The following KLF12 variants were observed in gnomAD, a reference collection of about 807,000 sequenced individuals.
The protein encoded by KLF12 is Krueppel-like factor 12.
In KLF12, 9 loss-of-function variants were observed where a neutral mutation model predicts 37.8. The observed-to-expected ratio is 0.24, with a 90% CI of 0.14 to 0.42. The LOEUF is 0.42. KLF12 is among the 10% of genes least tolerant of loss of function. KLF12 has a pLI of 1.00. For missense variants in KLF12, 411 were observed against 516.0 expected (o/e 0.80, Z 1.97); for synonymous variants, 208 against 202.1 (o/e 1.03, Z -0.25).
At chr13:73,755,054 A>G (rs891695932) in intron 6 of KLF12, among the ~76,000 whole-genome samples, 1 of 152,344 alleles carries the variant, frequency 6.6e-6, no homozygotes, top group South Asian at 2.1e-4. Context: ...TCACTGTAAG[A>G]AATCAGTCCA....
intron 3 of KLF12, 77 bp from the exon 4 acceptor site, chr13:73,846,450 CG>C: frequency 7.8e-7 from 1 of 1,286,634 alleles, no homozygotes; most frequent in South Asian, 1.4e-5. Context: ...ACCACTTGAA[CG>C]TTTATTACTT....
chr13:74,166,256 T>A, the KLF12 span, among the ~76,000 whole-genome samples: 7 of 151,988 alleles, frequency 4.6e-5, no homozygotes, highest in African/African-American at 1.7e-4. Flanking sequence ...AATGCTCAGC[T>A]AATTTTTGCA....
chr13:73,890,597 A>G (rs1236615006), intron 3 of KLF12, among the ~76,000 whole-genome samples: 1 of 152,120 alleles, frequency 6.6e-6, no homozygotes, highest in Non-Finnish European at 1.5e-5. Flanking sequence ...GTTAAAGTTT[A>G]TGCAAGGCCA....
chr13:74,108,655 A>G (rs1876796820), intron 1 of KLF12, among the ~76,000 whole-genome samples: 1 of 152,190 alleles, frequency 6.6e-6, no homozygotes, highest in Non-Finnish European at 1.5e-5. Context: ...CACCACTGCT[A>G]TATGTATGTT....
At chr13:73,725,845 T>G (rs1594012390) in intron 6 of KLF12, among the ~76,000 whole-genome samples, 1 of 137,042 alleles carries the variant, frequency 7.3e-6, no homozygotes, top group Non-Finnish European at 1.5e-5. Context: ...ATTTATTTAT[T>G]TATTTATTTA....
intron 5 of KLF12, among the ~76,000 whole-genome samples, chr13:73,778,201 T>C (rs1489023995): frequency 6.6e-6 from 1 of 150,688 alleles, no homozygotes; most frequent in African/African-American, 2.4e-5. Context: ...AAGGAGCCAA[T>C]GGAAAAGGAG....
rs188135050 is a variant in KLF12, at chr13:73,723,256, T to C, written c.870-7731A>G. On this transcript the variant is annotated intron_variant, in intron 6 of 7. Transcript: ENST00000377669. ...GAGTATCTATTCAAAATAGCTACTC[T>C]GTGGGGAATGTCCTATGCATTGCGA... 6.3e-3 allele frequency among the ~76,000 whole-genome samples: 964 copies of C among 152,306 alleles called. 13 individuals are homozygous for C. Among genetic ancestry groups the C allele is most frequent in the Non-Finnish European group, 0.011 (767 of 68,018 alleles).
chr13:73,702,848 A>G (rs889240428), intron 7 of KLF12, among the ~76,000 whole-genome samples: 3 of 152,190 alleles, frequency 2.0e-5, no homozygotes, highest in African/African-American at 7.2e-5. Flanking sequence ...ATGAAAGTTC[A>G]CAGAATCTAG....
At chr13:74,081,196 G>A (rs1168877250) in intron 1 of KLF12, among the ~76,000 whole-genome samples, 1 of 152,152 alleles carries the variant, frequency 6.6e-6, no homozygotes, top group African/African-American at 2.4e-5. Flanking sequence ...GTGATCTTAA[G>A]CAAGATACTG....
chr13:73,867,830 A>G (rs1259193880), intron 3 of KLF12, among the ~76,000 whole-genome samples: 1 of 150,728 alleles, frequency 6.6e-6, no homozygotes, highest in Non-Finnish European at 1.5e-5. Context: ...TGAATTCCTG[A>G]CCTCAGGCGA....
At chr13:74,131,171 T>C (rs1419687513) in intron 1 of KLF12, among the ~76,000 whole-genome samples, 2 of 152,208 alleles carry the variant, frequency 1.3e-5, no homozygotes, top group African/African-American at 2.4e-5. Context: ...TTTCAGTAAG[T>C]TGATAACAGC....
At chr13:74,229,231 A>G in the KLF12 span, among the ~76,000 whole-genome samples, 1 of 152,194 alleles carries the variant, frequency 6.6e-6, no homozygotes, top group Non-Finnish European at 1.5e-5. Context: ...GTGTGAAATT[A>G]TAAGGGGGAT....
intron 1 of KLF12, among the ~76,000 whole-genome samples, chr13:74,127,144 C>T (rs1412369802): frequency 1.3e-5 from 2 of 152,148 alleles, no homozygotes; most frequent in African/African-American, 4.8e-5. Flanking sequence ...ACTGGGAATA[C>T]AGGCACACGC....
At chr13:73,715,310 G>C in intron 7 of KLF12, 58 bp downstream of exon 7, 2 of 1,515,382 alleles carry the variant, frequency 1.3e-6, no homozygotes, top group Non-Finnish European at 1.8e-6. Flanking sequence ...CGAGGTAAGT[G>C]GCCGGCGCTT....
At chr13:74,179,475 A>C in the KLF12 span, among the ~76,000 whole-genome samples, 1 of 152,334 alleles carries the variant, frequency 6.6e-6, no homozygotes, top group East Asian at 1.9e-4. Context: ...AGTATTAAGC[A>C]AAATGCAGAA....
At chr13:73,815,800 C>T (rs1465239150) in intron 4 of KLF12, among the ~76,000 whole-genome samples, 5 of 152,176 alleles carry the variant, frequency 3.3e-5, no homozygotes, top group African/African-American at 1.2e-4. Flanking sequence ...TAATACAACT[C>T]AAGGAAGATA....
intron 3 of KLF12, among the ~76,000 whole-genome samples, chr13:73,924,281 C>A (rs1889269595): frequency 6.6e-6 from 1 of 152,162 alleles, no homozygotes; most frequent in South Asian, 2.1e-4. Flanking sequence ...GCCTTTTTAA[C>A]AAATTTTAGG....
chr13:73,749,699 C>T (rs1458837582), intron 6 of KLF12, among the ~76,000 whole-genome samples: 2 of 151,992 alleles, frequency 1.3e-5, no homozygotes, highest in South Asian at 2.1e-4. Flanking sequence ...AGGCCAAAAA[C>T]GTAAAAATCA....
intron 5 of KLF12, among the ~76,000 whole-genome samples, chr13:73,798,695 G>C (rs183798358): frequency 2.0e-4 from 30 of 152,120 alleles, no homozygotes; most frequent in African/African-American, 7.0e-4. Context: ...TAGAGAAATG[G>C]AAATCAAAAC....
Sources: gnomAD v4.1 joint callset for allele counts (sites outside exome capture counted in the v4.1 genomes callset) on GRCh38, gnomAD v4.1.1 for gene constraint, MANE v1.5 for transcripts, NCBI Gene and HGNC (gene_info 2026-07-23, HGNC 2026-07-21) for gene names.